CDH13: variants seen among roughly 807,000 people sequenced by gnomAD.
CDH13 encodes cadherin 13, also known as cadherin-13.
A neutral mutation model predicts 63.8 loss-of-function variants in CDH13; 24 were observed. The ratio of observed to expected loss-of-function variants is 0.38; its 90% confidence interval spans 0.27 to 0.53. CDH13 has a LOEUF of 0.53. Among genes scored for constraint, CDH13 ranks in the 20% least tolerant of loss-of-function variants. CDH13 has a pLI of 0.85. For synonymous variants in CDH13, 503 were observed against 355.3 expected (o/e 1.42, Z -4.67); for missense variants, 1,049 against 903.1 (o/e 1.16, Z -2.07).
chr16:83,275,655 C>G (rs2088963837), intron 5 of CDH13, among the ~76,000 whole-genome samples: 1 of 60,098 alleles, frequency 1.7e-5, no homozygotes, highest in South Asian at 8.8e-4. Flanking sequence ...CCTTATGACT[C>G]TGGCTTGGAA....
intron 6 of CDH13, among the ~76,000 whole-genome samples, chr16:83,417,821 G>C (rs923192597): frequency 6.6e-6 from 1 of 152,074 alleles, no homozygotes; most frequent in Non-Finnish European, 1.5e-5. Context: ...CTTTGATGGG[G>C]AAACTGGGAT....
intron 3 of CDH13, among the ~76,000 whole-genome samples, chr16:83,038,913 C>T (rs1917099588): frequency 6.6e-6 from 1 of 152,184 alleles, no homozygotes; most frequent in African/African-American, 2.4e-5. Context: ...AGTTAACGAA[C>T]TTGATGAAGT....
chr16:82,999,321 G>A (rs1362555076), intron 2 of CDH13, among the ~76,000 whole-genome samples: 1 of 152,078 alleles, frequency 6.6e-6, no homozygotes, highest in African/African-American at 2.4e-5. Context: ...TTAGGGAGGT[G>A]ATTTGAAGAA....
At chr16:83,365,386 C>G (rs895993840) in intron 6 of CDH13, among the ~76,000 whole-genome samples, 5 of 152,204 alleles carry the variant, frequency 3.3e-5, no homozygotes, top group African/African-American at 9.7e-5. Flanking sequence ...TTTTCTCAGT[C>G]TAATAATTCA....
chr16:82,927,270 G>A (rs532664581), intron 2 of CDH13, among the ~76,000 whole-genome samples: 6 of 152,242 alleles, frequency 3.9e-5, no homozygotes, highest in African/African-American at 9.6e-5. Context: ...AGATTCCCCT[G>A]AGGTCAAGGA....
intron 1 of CDH13, among the ~76,000 whole-genome samples, chr16:82,734,039 G>T (rs1305460010): frequency 7.2e-6 from 1 of 139,860 alleles, no homozygotes; most frequent in African/African-American, 2.7e-5. Flanking sequence ...AAGGTGGGAA[G>T]AGAACTAATA....
At chr16:83,279,640 G>A (rs767405374) in intron 5 of CDH13, among the ~76,000 whole-genome samples, 15 of 152,068 alleles carry the variant, frequency 9.9e-5, no homozygotes, top group Non-Finnish European at 1.6e-4. Context: ...TGAGACAATC[G>A]GCTATACATC....
At chr16:83,443,134 C>T (rs1393945045) in intron 6 of CDH13, among the ~76,000 whole-genome samples, 3 of 152,214 alleles carry the variant, frequency 2.0e-5, no homozygotes, top group African/African-American at 4.8e-5. Context: ...ATACTTATCA[C>T]CTTCCATGCC....
In CDH13 at chr16:83,024,000, TTC is replaced by T. The variant is rs1915579476; in HGVS notation, c.158-8008_158-8007del. 2.0e-5 allele frequency among the ~76,000 whole-genome samples: 3 copies of T among 152,308 alleles called. No individual in the cohort carries two copies. In the South Asian group the frequency reaches 6.2e-4, roughly 32 times the overall value. On this transcript the variant is annotated intron_variant, in intron 2 of 13. Transcript: ENST00000567109. Reference sequence around the variant, plus strand: ...ATTTAGATTTTGCCCTTTCTAGAATTTCTGTTTTTATCAAGACTTCATTATTT... The same window carrying T: ...ATTTAGATTTTGCCCTTTCTAGAATTTGTTTTTATCAAGACTTCATTATTT...
intron 8 of CDH13, among the ~76,000 whole-genome samples, chr16:83,606,073 A>C (rs1908303305): frequency 6.6e-6 from 1 of 152,206 alleles, no homozygotes; most frequent in Admixed American, 6.5e-5. Flanking sequence ...CTAGAAACAG[A>C]GAGGAAAGAT....
chr16:82,718,689 C>G (rs760078720), intron 1 of CDH13, among the ~76,000 whole-genome samples: 5 of 152,074 alleles, frequency 3.3e-5, no homozygotes, highest in Non-Finnish European at 5.9e-5. Context: ...TGGCAGCAGA[C>G]AAGAGAAGAG....
chr16:83,679,267 TAAACTTAAATCAGCGTGCA>T (rs755370560), intron 10 of CDH13, among the ~76,000 whole-genome samples: 2 of 152,214 alleles, frequency 1.3e-5, no homozygotes, highest in Non-Finnish European at 2.9e-5. Context: ...GGTTTCACAA[TAAACTTAAATCAGCGTGCA>T]GATCCAAATG....
intron 11 of CDH13, among the ~76,000 whole-genome samples, chr16:83,776,584 A>C (rs1227311584): frequency 6.6e-6 from 1 of 152,190 alleles, no homozygotes; most frequent in Non-Finnish European, 1.5e-5. Context: ...GCCCCGCTAA[A>C]GAGTATCGGC....
chr16:83,327,814 A>G (rs1359741067), intron 5 of CDH13, among the ~76,000 whole-genome samples: 1 of 152,230 alleles, frequency 6.6e-6, no homozygotes, highest in Non-Finnish European at 1.5e-5. Flanking sequence ...AGGAACCAGC[A>G]AATGCAAAGA....
chr16:83,141,168 G>A (rs2036514087), intron 4 of CDH13, among the ~76,000 whole-genome samples: 1 of 152,136 alleles, frequency 6.6e-6, no homozygotes. Context: ...AAAGCCGGAG[G>A]GGCTCTGGAG....
chr16:82,975,701 C>A (rs1037044360), intron 2 of CDH13, among the ~76,000 whole-genome samples: 1 of 152,188 alleles, frequency 6.6e-6, no homozygotes, highest in Non-Finnish European at 1.5e-5. Context: ...TCTGCAGGAT[C>A]CATTGCTGAC....
chr16:82,753,979 A>G (rs67218876), intron 1 of CDH13, among the ~76,000 whole-genome samples: 25,197 of 152,218 alleles, frequency 0.17, 2,438 homozygotes, highest in East Asian at 0.46. Flanking sequence ...GAATAAGATC[A>G]TGATCACTCA....
chr16:82,789,830 T>A (rs1414871165), intron 1 of CDH13, among the ~76,000 whole-genome samples: 2 of 152,166 alleles, frequency 1.3e-5, no homozygotes, highest in Non-Finnish European at 2.9e-5. Context: ...TAGCAGTTTC[T>A]ATGACTGACC....
chr16:83,702,926 G>A (rs1906467210), intron 10 of CDH13, among the ~76,000 whole-genome samples: 1 of 152,354 alleles, frequency 6.6e-6, no homozygotes, highest in Admixed American at 6.5e-5. Context: ...TAGGATGCAT[G>A]TGGAGGTGGG....
Sources: allele counts gnomAD v4.1 joint callset (sites outside exome capture counted in the v4.1 genomes callset), GRCh38; gene constraint gnomAD v4.1.1; transcripts MANE v1.5; gene names NCBI Gene and HGNC (gene_info 2026-07-23, HGNC 2026-07-21).